The following OLFM4 variants were observed in gnomAD, a reference collection of about 807,000 sequenced individuals.
OLFM4 encodes olfactomedin-4.
A neutral mutation model predicts 25.5 loss-of-function variants in OLFM4; 22 were observed. The observed-to-expected ratio is 0.86, with a 90% confidence interval of 0.62 to 1.23. OLFM4 has a LOEUF of 1.23. Ranked by LOEUF, OLFM4 falls within the 50% of genes most tolerant of loss-of-function variation. The pLI is 0.00. For missense variants in OLFM4, 594 were observed against 619.4 expected, an observed-to-expected ratio of 0.96 and a Z score of 0.44; for synonymous variants, 255 against 237.7, an observed-to-expected ratio of 1.07 and a Z score of -0.67.
chr13:53,044,571 TA>T (rs1489045954), intron 4 of OLFM4, among the ~76,000 whole-genome samples: 1 of 152,144 alleles, frequency 6.6e-6, no homozygotes, highest in East Asian at 1.9e-4. Context: ...CCTCTGCAAA[TA>T]GGAGTGTGTC....
rs1213895846 is a variant in OLFM4 at position 53,042,167 on chromosome 13, T to G, written c.570+45T>G. On this transcript the variant is annotated intron_variant, in intron 3 of 4. Coordinates refer to ENST00000219022, the MANE Select transcript of OLFM4 (RefSeq NM_006418.5). ...CTTGGTAAATTAATAATAAACTCCC[T>G]TCAGTGACTGTAAGCAAGTACTAGT... 2.0e-6 allele frequency: 3 copies of G among 1,532,286 alleles called. No homozygotes were observed. In the African/African-American group the frequency reaches 4.1e-5, roughly 21 times the overall value. 94.9% of individuals were successfully genotyped at this position (1,532,286 alleles called of 1,614,324 possible).
chr13:53,046,578 C>T (rs185108923), intron 4 of OLFM4, among the ~76,000 whole-genome samples: 347 of 152,298 alleles, frequency 2.3e-3, no homozygotes, highest in Admixed American at 6.0e-3. Context: ...TTCCTTTATT[C>T]CACAAACATA....
intron 4 of OLFM4, among the ~76,000 whole-genome samples, chr13:53,047,720 T>C (rs1954722822): frequency 6.6e-6 from 1 of 152,186 alleles, no homozygotes; most frequent in South Asian, 2.1e-4. Context: ...GTACTAATAC[T>C]ATTATACTAA....
chr13:53,046,614 C>T (rs1954717367), intron 4 of OLFM4, among the ~76,000 whole-genome samples: 1 of 152,170 alleles, frequency 6.6e-6, no homozygotes, highest in South Asian at 2.1e-4. Context: ...GTGGCTGGCC[C>T]TGTTCTGGGT....
intron 4 of OLFM4, among the ~76,000 whole-genome samples, chr13:53,046,812 A>T (rs1220355954): frequency 6.6e-6 from 1 of 152,192 alleles, no homozygotes; most frequent in Non-Finnish European, 1.5e-5. Context: ...TTCTTCTGAC[A>T]TGAGGAAACT....
At position 53,050,164 on chromosome 13, in the gene OLFM4, T is replaced by G. The variant is rs778466784; in HGVS notation, c.926T>G (p.Leu309Arg). ...LLEYYRLYNT[L>R]DDLLLYINAR... ...GAGTATTATAGACTGTACAACACAC[T>G]GGATGATTTGCTATTGTATATAAAT... The change falls in exon 5 of 5, where the codon CTG (leucine) becomes CGG (arginine). Residue 309 changes from leucine to arginine, a missense_variant. By Grantham distance (102) the Leu-to-Arg change is moderately radical. Transcript: ENST00000219022. The G allele has an allele frequency of 2.5e-6, 4 of 1,614,018 alleles. No homozygotes were observed. Among genetic ancestry groups the G allele is most frequent in the Non-Finnish European group, 3.4e-6 (4 of 1,179,942 alleles).
rs370452390 is a variant in OLFM4 at position 53,050,353 on chromosome 13, G to A, written c.1115G>A (p.Arg372His). 1.8e-5 allele frequency: 29 copies of A among 1,613,948 alleles called. No individual in the cohort carries two copies. Among genetic ancestry groups the A allele is most frequent in the African/African-American group, 8.0e-5 (6 of 74,974 alleles). Reference sequence around the variant, plus strand: ...CTCCCTAATGCTGCCTATAATAACCGCTTTTCATATGCTAATGTTGCTTGG... The same window carrying A: ...CTCCCTAATGCTGCCTATAATAACCACTTTTCATATGCTAATGTTGCTTGG... ...QTLPNAAYNN[R>H]FSYANVAWQD... Residue 372 changes from arginine to histidine, a missense_variant, in exon 5 of 5, where the codon CGC (arginine) becomes CAC (histidine). Physicochemically the swap from Arg to His is conservative, Grantham distance 29. Coordinates refer to ENST00000219022, the MANE Select transcript of OLFM4 (RefSeq NM_006418.5).
chr13:53,043,343 T>TGTC, intron 4 of OLFM4, 79 bp downstream of exon 4: 1 of 1,148,594 alleles, frequency 8.7e-7, no homozygotes, highest in South Asian at 2.6e-5. Context: ...GGATTGGGGA[T>TGTC]TGCAATGGTG....
At chr13:53,035,297 G>A (rs1954652618) in intron 2 of OLFM4, among the ~76,000 whole-genome samples, 1 of 150,882 alleles carries the variant, frequency 6.6e-6, no homozygotes, top group South Asian at 2.1e-4. Context: ...ATCCAAGGTT[G>A]TAGTCTCTTT....
intron 4 of OLFM4, among the ~76,000 whole-genome samples, chr13:53,048,114 C>T (rs141279864): frequency 7.2e-4 from 109 of 152,194 alleles, no homozygotes; most frequent in African/African-American, 2.0e-3. Context: ...CTGAACACAC[C>T]GCTAACTTTA....
Position 53,043,236 on chromosome 13 carries a change from C to G in OLFM4, c.702C>G (p.Thr234=). ...GTGAGGCCTCTAAAGATCAAAACAC[C>G]CCTGTCGTCCACCCTCCTCCCACTC... ...KECEASKDQN[T]PVVHPPPTPG... Residue 234 remains threonine (T), a synonymous_variant, in exon 4 of 5, where the codon ACC becomes ACG. Coordinates refer to ENST00000219022, the MANE Select transcript of OLFM4 (RefSeq NM_006418.5). 6 of 1,609,872 alleles carry G rather than the reference C, an allele frequency of 3.7e-6. No individual in the cohort carries two copies. The highest frequency in any genetic ancestry group is 5.1e-6 in the Non-Finnish European group (6 of 1,178,494).
intron 1 of OLFM4, among the ~76,000 whole-genome samples, chr13:53,034,056 C>CAAAAA (rs397851637): frequency 2.9e-4 from 12 of 41,016 alleles, no homozygotes; most frequent in African/African-American, 5.0e-4. Context: ...GACTCCGTCT[C>CAAAAA]AAAAAAAAAA....
At chr13:53,049,887 T>C in intron 4 of OLFM4, 82 bp from the exon 5 acceptor site, 3 of 1,375,456 alleles carry the variant, frequency 2.2e-6, no homozygotes, top group Admixed American at 4.6e-5. Flanking sequence ...TATAGATTCC[T>C]TTGGTGCTTA....
intron 1 of OLFM4, among the ~76,000 whole-genome samples, chr13:53,031,555 A>T (rs984697201): frequency 6.6e-6 from 1 of 152,164 alleles, no homozygotes; most frequent in South Asian, 2.1e-4. Context: ...AGACTAGGAA[A>T]AGCCTCAATG....
At chr13:53,044,929 T>C (rs9596760) in intron 4 of OLFM4, among the ~76,000 whole-genome samples, 325 of 152,270 alleles carry the variant, frequency 2.1e-3, no homozygotes, top group African/African-American at 7.6e-3. Context: ...TCTGGCACAA[T>C]TTTCTATGCA....
intron 4 of OLFM4, among the ~76,000 whole-genome samples, chr13:53,046,106 C>T (rs1954714050): frequency 6.6e-6 from 1 of 152,156 alleles, no homozygotes; most frequent in Non-Finnish European, 1.5e-5. Context: ...ATATCCAACA[C>T]TTCAGAGTCA....
chr13:53,041,461 G>A (rs555064340), intron 2 of OLFM4, among the ~76,000 whole-genome samples: 4 of 151,792 alleles, frequency 2.6e-5, no homozygotes, highest in Non-Finnish European at 5.9e-5. Flanking sequence ...CAACAGAAGC[G>A]TACTTGAGGG....
Position 53,043,242 on chromosome 13 carries a change from C to G in OLFM4, c.708C>G (p.Val236=). 1 of 1,608,886 alleles carries G rather than the reference C, an allele frequency of 6.2e-7. No individual in the cohort carries two copies. Among genetic ancestry groups the G allele is most frequent in the Non-Finnish European group, 8.5e-7 (1 of 1,178,168 alleles). The part of the protein sequence containing the change: ...CEASKDQNTP[V]VHPPPTPGSC... ...CCTCTAAAGATCAAAACACCCCTGT[C>G]GTCCACCCTCCTCCCACTCCAGGTA... is the stretch of plus-strand genomic sequence containing the variant. Residue 236 remains valine (V), a synonymous_variant, in exon 4 of 5, where the codon GTC becomes GTG. Transcript: ENST00000219022.
chr13:53,043,286 A>T (rs2275840), intron 4 of OLFM4, 22 bp downstream of exon 4: 73,981 of 1,575,402 alleles, frequency 0.047, 2,596 homozygotes, highest in East Asian at 0.22. Context: ...AGTTTTTTTA[A>T]CCACTTGTGC....
Sources: allele counts gnomAD v4.1 joint callset (sites outside exome capture counted in the v4.1 genomes callset), GRCh38; gene constraint gnomAD v4.1.1; transcripts MANE v1.5; gene names NCBI Gene and HGNC (gene_info 2026-07-23, HGNC 2026-07-21).